Variants in ZNF732 observed in about 807,000 individuals in gnomAD.
ZNF732 encodes zinc finger protein LOC654254.
In ZNF732, 12 loss-of-function variants were observed where a neutral mutation model predicts 11.5. That is an observed-to-expected ratio of 1.05 (90% CI 0.67 to 1.70). ZNF732 has a LOEUF of 1.70. ZNF732 is among the 40% of genes most tolerant of loss of function. The probability of loss-of-function intolerance (pLI) is 0.00; values close to 1 mark genes in which losing one functional copy is unlikely to be tolerated. For missense variants in ZNF732, 702 were observed against 676.9 expected, an observed-to-expected ratio of 1.04 and a Z score of -0.41; for synonymous variants, 231 against 236.5, an observed-to-expected ratio of 0.98 and a Z score of 0.21.
chr4:283,323 C>T (rs1223925621), intron 3 of ZNF732, among the ~76,000 whole-genome samples: 2 of 151,950 alleles, frequency 1.3e-5, no homozygotes, highest in East Asian at 1.9e-4. Context: ...CTAAAACACT[C>T]GCGAAATGTC....
At chr4:299,984 G>A (rs148763182) in intron 1 of ZNF732, among the ~76,000 whole-genome samples, 73 of 149,870 alleles carry the variant, frequency 4.9e-4, no homozygotes, top group East Asian at 1.4e-3. Context: ...GATTACAGGC[G>A]TGAGCCACCA....
intron 3 of ZNF732, among the ~76,000 whole-genome samples, chr4:291,490 C>A (rs1719842115): frequency 6.6e-6 from 1 of 151,856 alleles, no homozygotes; most frequent in South Asian, 2.1e-4. Context: ...ATAAATTTAA[C>A]CAATGAAATA....
At chr4:294,892 A>G (rs1262823770) in intron 3 of ZNF732, among the ~76,000 whole-genome samples, 1 of 152,168 alleles carries the variant, frequency 6.6e-6, no homozygotes, top group African/African-American at 2.4e-5. Flanking sequence ...ACATTTTTTC[A>G]TATTTAGGAA....
At chr4:292,051 C>A (rs976983556) in intron 3 of ZNF732, among the ~76,000 whole-genome samples, 2 of 152,106 alleles carry the variant, frequency 1.3e-5, no homozygotes, top group African/African-American at 2.4e-5. Context: ...TTACACCATA[C>A]CCCAAAATTA....
chr4:272,312 A>C lies in ZNF732; in HGVS notation c.545T>G (p.Leu182Arg). 1 of 1,612,630 alleles carries C rather than the reference A, an allele frequency of 6.2e-7. No homozygotes were observed. Residue 182 changes from leucine to arginine, a missense_variant, in exon 4 of 4, where the codon CTA (leucine) becomes CGA (arginine). Physicochemically the swap from Leu to Arg is moderately radical, Grantham distance 102. This residue lies in a region of ZNF732 where 596 missense variants were observed against 557.9 expected (regional missense o/e 1.07). Transcript: ENST00000419098. ...CGKSFQKFSDLTQHQGIHAGE... is the reference protein window; with the variant it reads ...CGKSFQKFSDRTQHQGIHAGE... ...AGCATGAATTCCTTGATGTTGAGTTAGGTCTGAGAACTTCTGAAATGACTT... is the reference window on the plus strand; with the variant it reads ...AGCATGAATTCCTTGATGTTGAGTTCGGTCTGAGAACTTCTGAAATGACTT...
At chr4:275,790 T>C in intron 3 of ZNF732, among the ~76,000 whole-genome samples, 1 of 151,704 alleles carries the variant, frequency 6.6e-6, no homozygotes, top group Non-Finnish European at 1.5e-5. Context: ...CTTGATGACA[T>C]TATACAACAA....
chr4:297,193 G>A (rs553123182), intron 1 of ZNF732, among the ~76,000 whole-genome samples: 14 of 152,150 alleles, frequency 9.2e-5, no homozygotes, highest in Admixed American at 3.3e-4. Flanking sequence ...ACTTGAATCC[G>A]GGAGCTGGAG....
At chr4:280,482 G>A (rs1314584240) in intron 3 of ZNF732, among the ~76,000 whole-genome samples, 1 of 152,182 alleles carries the variant, frequency 6.6e-6, no homozygotes, top group Admixed American at 6.5e-5. Flanking sequence ...CTACTCGGGA[G>A]GCTGAGGCAG....
chr4:305,217 C>A, intron 1 of ZNF732, 91 bp downstream of exon 1: 1 of 1,500,022 alleles, frequency 6.7e-7, no homozygotes. Flanking sequence ...GCAGCGGAGA[C>A]TCCGTTCGCA....
At chr4:299,667 T>C (rs564228108) in intron 1 of ZNF732, among the ~76,000 whole-genome samples, 20 of 143,248 alleles carry the variant, frequency 1.4e-4, no homozygotes, top group Non-Finnish European at 2.4e-4. Context: ...ATTATATATA[T>C]AATTTTTATA....
At chr4:303,476 G>C (rs1385107688) in intron 1 of ZNF732, among the ~76,000 whole-genome samples, 1 of 152,156 alleles carries the variant, frequency 6.6e-6, no homozygotes, top group Non-Finnish European at 1.5e-5. Context: ...AATTAGCTGG[G>C]CGTGGTGGCA....
chr4:276,644 ATAAT>A (rs1269147578), intron 3 of ZNF732, among the ~76,000 whole-genome samples: 3 of 151,974 alleles, frequency 2.0e-5, no homozygotes, highest in South Asian at 2.1e-4. Flanking sequence ...AAAATTGTAA[ATAAT>A]TAAAAAGTGA....
chr4:273,491 G>C, intron 3 of ZNF732, among the ~76,000 whole-genome samples: 1 of 151,774 alleles, frequency 6.6e-6, no homozygotes, highest in East Asian at 1.9e-4. Flanking sequence ...AATGTAACCT[G>C]AATAATGCTG....
Position 271,003 on chromosome 4 carries a change from T to G in ZNF732, c.*96A>C. 2 of 1,021,710 alleles carry G rather than the reference T, an allele frequency of 2.0e-6. No homozygotes were observed. The highest frequency in any genetic ancestry group is 2.9e-6 in the Non-Finnish European group (2 of 692,766). The allele number at this position is 1,021,710 out of a possible 1,614,324, so 63.3% of individuals were successfully genotyped here. A position where few individuals can be genotyped will look rare whatever the true frequency, so the allele number is the denominator to read the frequency against. Reference sequence around the variant, plus strand: ...TGGACCATCCAAAAGCTTTGCCACATTCTTCACATTTGTATAGTTTATTTC... The same window carrying G: ...TGGACCATCCAAAAGCTTTGCCACAGTCTTCACATTTGTATAGTTTATTTC... On this transcript the variant is annotated 3_prime_UTR_variant, in exon 4 of 4. Transcript: ENST00000419098.
rs77807218 is a variant in ZNF732, at chr4:291,264, A to C, written c.226+4174T>G. 6.7e-3 allele frequency among the ~76,000 whole-genome samples: 1,013 copies of C among 152,304 alleles called. 4 individuals are homozygous for C. Among genetic ancestry groups the C allele is most frequent in the Middle Eastern group, 0.017 (5 of 294 alleles). Reference sequence around the variant, plus strand: ...GTAGGTAGTTTCTTGGTTTGTGTTTATAAGGCAAGGTCTCACTACAAGGCC... The same window carrying C: ...GTAGGTAGTTTCTTGGTTTGTGTTTCTAAGGCAAGGTCTCACTACAAGGCC... On this transcript the variant is annotated intron_variant, in intron 3 of 3. Coordinates refer to ENST00000419098, the MANE Select transcript of ZNF732 (RefSeq NM_001137608.3).
chr4:288,202 T>C (rs1343679430), intron 3 of ZNF732, among the ~76,000 whole-genome samples: 1 of 152,232 alleles, frequency 6.6e-6, no homozygotes, highest in African/African-American at 2.4e-5. Flanking sequence ...TTGTGCTTCT[T>C]AGGTGGGACT....
At chr4:290,640 T>C (rs1719826686) in intron 3 of ZNF732, among the ~76,000 whole-genome samples, 1 of 152,212 alleles carries the variant, frequency 6.6e-6, no homozygotes, top group Non-Finnish European at 1.5e-5. Flanking sequence ...AACCCATTCA[T>C]ACACCTGTTA....
chr4:281,564 CT>C (rs1478153511), intron 3 of ZNF732, among the ~76,000 whole-genome samples: 1 of 152,212 alleles, frequency 6.6e-6, no homozygotes, highest in Non-Finnish European at 1.5e-5. Flanking sequence ...GAATCCACAA[CT>C]GTCTGATGCC....
chr4:298,806 G>C (rs1720017368), intron 1 of ZNF732, among the ~76,000 whole-genome samples: 1 of 152,206 alleles, frequency 6.6e-6, no homozygotes, highest in Non-Finnish European at 1.5e-5. Context: ...ACTCCAGTAA[G>C]AGTTTACGGG....
Sources: gnomAD v4.1 joint callset for allele counts (sites outside exome capture counted in the v4.1 genomes callset) on GRCh38, gnomAD v4.1.1 for gene constraint, gnomAD v4.1.1 regional missense constraint, MANE v1.5 for transcripts, NCBI Gene and HGNC (gene_info 2026-07-23, HGNC 2026-07-21) for gene names.